The following ENTHD1 variants were observed in gnomAD, a reference collection of about 807,000 sequenced individuals.
ENTHD1 encodes the protein ENTH domain-containing protein 1.
ENTHD1 carries 23 observed loss-of-function variants against 39.1 expected under a neutral mutation model. The observed-to-expected ratio is 0.59, with a 90% CI of 0.42 to 0.83. ENTHD1 has a LOEUF of 0.83. Among genes scored for constraint, ENTHD1 ranks in the 40% least tolerant of loss-of-function variants. The pLI, the probability that ENTHD1 is intolerant of heterozygous loss-of-function variation, is 0.00. For synonymous variants in ENTHD1, 230 were observed against 258.2 expected, an observed-to-expected ratio of 0.89 and a Z score of 1.05; for missense variants, 624 against 705.4, an observed-to-expected ratio of 0.88 and a Z score of 1.31.
At chr22:39,814,859 CAA>C (rs1048201852) in intron 5 of ENTHD1, among the ~76,000 whole-genome samples, 2 of 151,972 alleles carry the variant, frequency 1.3e-5, no homozygotes, top group Middle Eastern at 3.2e-3. Flanking sequence ...TAAAATAACA[CAA>C]GATACATATG....
At chr22:39,789,245 T>C (rs1222472100) in intron 5 of ENTHD1, among the ~76,000 whole-genome samples, 1 of 152,184 alleles carries the variant, frequency 6.6e-6, no homozygotes, top group African/African-American at 2.4e-5. Flanking sequence ...TACACGGTAG[T>C]TCTATTTTTA....
intron 5 of ENTHD1, among the ~76,000 whole-genome samples, chr22:39,787,634 C>T (rs545920481): frequency 6.6e-6 from 1 of 152,274 alleles, no homozygotes; most frequent in African/African-American, 2.4e-5. Flanking sequence ...TCCCTTAAGC[C>T]AAAGCCTAAT....
At chr22:39,766,054 G>GA (rs1182189223) in intron 5 of ENTHD1, among the ~76,000 whole-genome samples, 1 of 73,652 alleles carries the variant, frequency 1.4e-5, no homozygotes, top group Non-Finnish European at 2.9e-5. Context: ...AAAAAAGAAA[G>GA]AAAAAGAAAA....
chr22:39,820,611 G>C (rs1601617256), intron 5 of ENTHD1, among the ~76,000 whole-genome samples: 3 of 152,216 alleles, frequency 2.0e-5, no homozygotes, highest in Admixed American at 2.0e-4. Context: ...TTACTCAAGA[G>C]ATGATTAACC....
At chr22:39,799,206 G>A (rs1195100045) in intron 5 of ENTHD1, among the ~76,000 whole-genome samples, 1 of 152,174 alleles carries the variant, frequency 6.6e-6, no homozygotes, top group Non-Finnish European at 1.5e-5. Context: ...CCTAGTATGT[G>A]CACAAGTATA....
chr22:39,876,092 G>A, intron 2 of ENTHD1: 3 of 1,608,994 alleles, frequency 1.9e-6, no homozygotes, highest in Non-Finnish European at 1.7e-6. Flanking sequence ...GTTCACCAGT[G>A]ACGATATGGT....
At chr22:39,750,202 G>T in intron 6 of ENTHD1, 1 of 204,158 alleles carries the variant, frequency 4.9e-6, no homozygotes, top group Admixed American at 4.4e-5. Context: ...TAGGAATACT[G>T]TTCATATTAA....
intron 3 of ENTHD1, among the ~76,000 whole-genome samples, chr22:39,848,474 A>C (rs2066008921): frequency 6.6e-6 from 1 of 151,928 alleles, no homozygotes; most frequent in Non-Finnish European, 1.5e-5. Flanking sequence ...GGATGGTCTC[A>C]ATCTCCTGAC....
chr22:39,803,262 T>C (rs2065613843), intron 5 of ENTHD1, among the ~76,000 whole-genome samples: 1 of 151,850 alleles, frequency 6.6e-6, no homozygotes, highest in Non-Finnish European at 1.5e-5. Context: ...TAACCTTTTC[T>C]CCATAACTGA....
At chr22:39,747,628 C>T (rs971983657) in intron 6 of ENTHD1, among the ~76,000 whole-genome samples, 1 of 152,036 alleles carries the variant, frequency 6.6e-6, no homozygotes, top group African/African-American at 2.4e-5. Flanking sequence ...GATGGATATG[C>T]TAATCTTTAC....
At chr22:39,835,995 A>C in intron 3 of ENTHD1, 37 bp from the exon 4 acceptor site, 1 of 1,484,400 alleles carries the variant, frequency 6.7e-7, no homozygotes, top group Non-Finnish European at 9.2e-7. Context: ...TTACTTTGGC[A>C]AAACACAGTT....
In ENTHD1 at chr22:39,812,025, A is replaced by C. The variant is rs73163074; in HGVS notation, c.832+8968T>G. ...AAACAAACAAACAAACAAAAAAAAAACGACATAGATGAAACCAGTCCTGAA... is the reference window on the plus strand; with the variant it reads ...AAACAAACAAACAAACAAAAAAAAACCGACATAGATGAAACCAGTCCTGAA... On this transcript the variant is annotated intron_variant, in intron 5 of 6. Transcript: ENST00000325157. 8.4e-3 allele frequency among the ~76,000 whole-genome samples: 1,259 copies of C among 149,042 alleles called. 10 individuals carry two copies. Among genetic ancestry groups the C allele is most frequent in the Non-Finnish European group, 0.011 (761 of 67,440 alleles).
At chr22:39,853,034 T>G (rs2066056210) in intron 3 of ENTHD1, among the ~76,000 whole-genome samples, 1 of 152,218 alleles carries the variant, frequency 6.6e-6, no homozygotes, top group African/African-American at 2.4e-5. Context: ...ACTCTGTTAG[T>G]ACAAAGCTCT....
intron 6 of ENTHD1, among the ~76,000 whole-genome samples, chr22:39,761,534 T>C (rs1280931518): frequency 6.6e-6 from 1 of 152,212 alleles, no homozygotes; most frequent in African/African-American, 2.4e-5. Flanking sequence ...CCCTATGTCT[T>C]TTCCTCACCT....
chr22:39,845,599 C>T (rs956419849), intron 3 of ENTHD1, among the ~76,000 whole-genome samples: 16 of 152,194 alleles, frequency 1.1e-4, no homozygotes, highest in African/African-American at 3.9e-4. Context: ...AAGGAAAATT[C>T]CTCACAATAT....
intron 4 of ENTHD1, among the ~76,000 whole-genome samples, chr22:39,828,818 G>T (rs1269583415): frequency 2.6e-5 from 4 of 152,090 alleles, no homozygotes; most frequent in Admixed American, 6.5e-5. Context: ...AGAGAAAACA[G>T]ATCATGTCAG....
At chr22:39,819,745 G>T (rs1178259269) in intron 5 of ENTHD1, among the ~76,000 whole-genome samples, 1 of 152,162 alleles carries the variant, frequency 6.6e-6, no homozygotes, top group Non-Finnish European at 1.5e-5. Flanking sequence ...GACTTCAGAT[G>T]ATTATATGGC....
intron 2 of ENTHD1, among the ~76,000 whole-genome samples, chr22:39,872,736 C>T (rs918761065): frequency 1.3e-5 from 2 of 152,074 alleles, no homozygotes; most frequent in South Asian, 2.1e-4. Flanking sequence ...ATACAGAAAT[C>T]GGTCATTAGT....
chr22:39,765,687 T>C, intron 5 of ENTHD1, 78 bp from the exon 6 acceptor site: 1 of 1,337,804 alleles, frequency 7.5e-7, no homozygotes, highest in Non-Finnish European at 1.0e-6. Context: ...ATAATTTTAA[T>C]AAATAGGATT....
Sources: gnomAD v4.1 joint callset for allele counts (sites outside exome capture counted in the v4.1 genomes callset) on GRCh38, gnomAD v4.1.1 for gene constraint, MANE v1.5 for transcripts, NCBI Gene and HGNC (gene_info 2026-07-23, HGNC 2026-07-21) for gene names.